USP37: variants seen among roughly 807,000 people sequenced by gnomAD.
USP37 encodes ubiquitin specific peptidase 37, also known as ubiquitin carboxyl-terminal hydrolase 37.
In USP37, 27 loss-of-function variants were observed where a neutral mutation model predicts 124.0. That is an observed-to-expected ratio of 0.22 (90% CI 0.16 to 0.30). USP37 has a LOEUF of 0.30. USP37 is among the 10% of genes least tolerant of loss of function. USP37 has a pLI of 1.00. For missense variants in USP37, 889 were observed against 1,140.4 expected (o/e 0.78, Z 3.17); for synonymous variants, 365 against 388.0 (o/e 0.94, Z 0.70).
intron 20 of USP37, among the ~76,000 whole-genome samples, chr2:218,468,587 C>T (rs561969014): frequency 6.6e-6 from 1 of 152,300 alleles, no homozygotes; most frequent in South Asian, 2.1e-4. Context: ...TAAACCTCCT[C>T]ATCAAGAAGT....
In USP37 at chr2:218,450,969, C is replaced by T. The variant is rs574582033; in HGVS notation, c.*3961G>A. On this transcript the variant is annotated 3_prime_UTR_variant, in exon 26 of 26. Transcript: ENST00000258399. ...ATGAGACTGCCTGAAGTCTAGTAAT[C>T]AAAGCATGCCATAAGGTGAATGATT... is the stretch of plus-strand genomic sequence containing the variant. 3 of 152,264 alleles carry T rather than the reference C, an allele frequency of 2.0e-5. No individual in the cohort carries two copies. Among genetic ancestry groups the T allele is most frequent in the Admixed American group, 1.3e-4 (2 of 15,302 alleles). The allele number at this position is 152,264 out of a possible 1,614,324, so 9.4% of individuals were successfully genotyped here.
intron 10 of USP37, among the ~76,000 whole-genome samples, chr2:218,516,600 A>C (rs1690298415): frequency 6.6e-6 from 1 of 152,316 alleles, no homozygotes; most frequent in African/African-American, 2.4e-5. Context: ...TGCAGGGCTT[A>C]AAACCTAGAT....
At chr2:218,504,314 T>C (rs998919209) in intron 11 of USP37, among the ~76,000 whole-genome samples, 1 of 152,228 alleles carries the variant, frequency 6.6e-6, no homozygotes, top group African/African-American at 2.4e-5. Flanking sequence ...GTTCTACGTA[T>C]ATTTCTAGTA....
rs370681001 is a variant in USP37 at position 218,466,194 on chromosome 2, A to C, written c.2300-18T>G. On this transcript the variant is annotated intron_variant, in intron 20 of 25. Coordinates refer to ENST00000258399, the MANE Select transcript of USP37 (RefSeq NM_020935.3). Reference sequence around the variant, plus strand: ...GGCAGGATCTGAGGAAGCAGAACATAACATTAATTTGGAAAATCCTAATAA... The same window carrying C: ...GGCAGGATCTGAGGAAGCAGAACATCACATTAATTTGGAAAATCCTAATAA... 7.2e-4 allele frequency: 1,136 copies of C among 1,576,702 alleles called. 22 individuals carry two copies. The South Asian group carries it at 0.011, about 16-fold the overall frequency.
intron 10 of USP37, among the ~76,000 whole-genome samples, chr2:218,523,487 T>C (rs1690783962): frequency 6.6e-6 from 1 of 152,250 alleles, no homozygotes; most frequent in South Asian, 2.1e-4. Flanking sequence ...ACAGTTTACA[T>C]TTTATTATTG....
chr2:218,516,147 G>T (rs1690266179), intron 10 of USP37, among the ~76,000 whole-genome samples: 1 of 152,144 alleles, frequency 6.6e-6, no homozygotes, highest in South Asian at 2.1e-4. Flanking sequence ...CAAGGATCTA[G>T]AACCAGAAAT....
intron 4 of USP37, 70 bp from the exon 5 acceptor site, chr2:218,553,794 A>T: frequency 7.2e-7 from 1 of 1,381,462 alleles, no homozygotes; most frequent in East Asian, 2.5e-5. Context: ...TGTATAATAA[A>T]TACTAAACTT....
At chr2:218,539,560 C>A (rs1691858595) in intron 8 of USP37, among the ~76,000 whole-genome samples, 1 of 151,548 alleles carries the variant, frequency 6.6e-6, no homozygotes, top group Non-Finnish European at 1.5e-5. Flanking sequence ...ACAAAAAATA[C>A]AAAAATTAGC....
chr2:218,522,386 G>T (rs569890748), intron 10 of USP37, among the ~76,000 whole-genome samples: 1 of 150,722 alleles, frequency 6.6e-6, no homozygotes, highest in Non-Finnish European at 1.5e-5. Context: ...AACATAGAAA[G>T]ACCCCATCTC....
chr2:218,469,029 C>G (rs1045357392), intron 20 of USP37, among the ~76,000 whole-genome samples: 2 of 152,152 alleles, frequency 1.3e-5, no homozygotes, highest in African/African-American at 4.8e-5. Flanking sequence ...ACAGGTAACC[C>G]TGAAGCTTAC....
chr2:218,513,390 A>G (rs1395142730), intron 10 of USP37, among the ~76,000 whole-genome samples: 2 of 152,240 alleles, frequency 1.3e-5, no homozygotes, highest in African/African-American at 4.8e-5. Context: ...AAACAGCTTT[A>G]CTGAAGTATA....
At position 218,479,698 on chromosome 2, in the gene USP37, G is replaced by T; in HGVS notation, c.1853C>A (p.Ala618Asp). 2 of 1,611,196 alleles carry T rather than the reference G, an allele frequency of 1.2e-6. No homozygotes were observed. Among genetic ancestry groups the T allele is most frequent in the South Asian group, 1.1e-5 (1 of 90,902 alleles). ...GATGCAGGAATTCACCATTTGAGAGGCTTTCAATGGTCTAGAACTATCAGA... is the reference window on the plus strand; with the variant it reads ...GATGCAGGAATTCACCATTTGAGAGTCTTTCAATGGTCTAGAACTATCAGA... ...AHMAISRPLK[A>D]SQMVNSCITS... Residue 618 changes from alanine (A) to aspartate (D), a missense_variant, in exon 18 of 26, where the codon GCC (alanine) becomes GAC (aspartate). Physicochemically the swap from Ala to Asp is moderately radical, Grantham distance 126 (BLOSUM62 -2). Around this residue, in one of 3 missense-constraint regions of USP37, gnomAD observed 504 missense variants for 714.3 expected, o/e 0.71. Coordinates refer to ENST00000258399, the MANE Select transcript of USP37 (RefSeq NM_020935.3).
At chr2:218,469,077 A>G (rs1470542452) in intron 20 of USP37, among the ~76,000 whole-genome samples, 1 of 152,240 alleles carries the variant, frequency 6.6e-6, no homozygotes, top group Admixed American at 6.5e-5. Flanking sequence ...GCAACTAGTT[A>G]GCATTTTGAG....
intron 10 of USP37, among the ~76,000 whole-genome samples, chr2:218,516,460 C>T (rs552252754): frequency 3.3e-5 from 5 of 151,778 alleles, no homozygotes; most frequent in East Asian, 1.9e-4. Context: ...AAACACTGCA[C>T]GTTCTCACTC....
chr2:218,559,471 T>A (rs928798924), intron 3 of USP37, among the ~76,000 whole-genome samples: 5 of 152,192 alleles, frequency 3.3e-5, no homozygotes, highest in African/African-American at 1.2e-4. Context: ...TAAAAAATTT[T>A]AAAAATAACC....
intron 14 of USP37, among the ~76,000 whole-genome samples, chr2:218,494,618 A>G (rs969758258): frequency 1.3e-5 from 2 of 152,226 alleles, no homozygotes; most frequent in Non-Finnish European, 2.9e-5. Context: ...ACTATGTGTG[A>G]GTCAATAATT....
chr2:218,458,510 A>C (rs1689831722), intron 23 of USP37, among the ~76,000 whole-genome samples: 1 of 151,208 alleles, frequency 6.6e-6, no homozygotes, highest in Non-Finnish European at 1.5e-5. Flanking sequence ...AAGTGGAGGA[A>C]GTTGCAGTGA....
rs924732057 is a variant in USP37 at position 218,506,798 on chromosome 2, AT to A, written c.1025+3180del. Among the ~76,000 whole-genome samples the A allele has an allele frequency of 4.8e-5, 7 of 146,240 alleles. No homozygotes were observed. The East Asian group carries it at 6.0e-4, about 13-fold the overall frequency. ...TTGTCCATTGTCATTCTCAGTTTGA[AT>A]TTTTTTTTTCTTTTTGAGACGGAGT... On this transcript the variant is annotated intron_variant, in intron 11 of 25. Coordinates refer to ENST00000258399, the MANE Select transcript of USP37 (RefSeq NM_020935.3).
chr2:218,555,372 T>G (rs1692912134), intron 4 of USP37, among the ~76,000 whole-genome samples: 1 of 152,152 alleles, frequency 6.6e-6, no homozygotes, highest in African/African-American at 2.4e-5. Flanking sequence ...ATATTCAAAT[T>G]TTAAATTATA....
Sources: allele counts gnomAD v4.1 joint callset (sites outside exome capture counted in the v4.1 genomes callset), GRCh38; gene constraint gnomAD v4.1.1; regional missense constraint gnomAD v4.1.1; transcripts MANE v1.5; gene names NCBI Gene and HGNC (gene_info 2026-07-23, HGNC 2026-07-21).